MYO1E: variants seen among roughly 807,000 people sequenced by gnomAD.
The protein encoded by MYO1E is myosin IE, also known as unconventional myosin-Ie.
In MYO1E, 68 loss-of-function variants were observed where a neutral mutation model predicts 151.1. The observed-to-expected ratio is 0.45, with a 90% CI of 0.37 to 0.55. The LOEUF (loss-of-function observed/expected upper bound fraction) is 0.55, where lower values mean the gene tolerates loss of function less well. Among genes scored for constraint, MYO1E ranks in the 20% least tolerant of loss-of-function variants. MYO1E has a pLI of 0.00. For synonymous variants in MYO1E, 601 were observed against 501.7 expected, an observed-to-expected ratio of 1.20 and a Z score of -2.64; for missense variants, 1,363 against 1,389.3, an observed-to-expected ratio of 0.98 and a Z score of 0.30.
At chr15:59,229,701 T>C (rs1295385140) in intron 6 of MYO1E, among the ~76,000 whole-genome samples, 1 of 147,566 alleles carries the variant, frequency 6.8e-6, no homozygotes, top group Admixed American at 6.9e-5. Flanking sequence ...GATTTGTAAG[T>C]GTTAAATATA....
At chr15:59,228,553 GTTTTT>G (rs200581765) in intron 6 of MYO1E, among the ~76,000 whole-genome samples, 1 of 150,148 alleles carries the variant, frequency 6.7e-6, no homozygotes, top group Non-Finnish European at 1.5e-5. Flanking sequence ...ATTTAAATTG[GTTTTT>G]TTTTCTCACT....
chr15:59,148,188 A>G (rs1698116325), intron 26 of MYO1E, among the ~76,000 whole-genome samples: 1 of 152,214 alleles, frequency 6.6e-6, no homozygotes, highest in African/African-American at 2.4e-5. Context: ...CAAGAGTAGA[A>G]AGATTAAGTG....
chr15:59,307,089 CA>C (rs1436691254), intron 1 of MYO1E, among the ~76,000 whole-genome samples: 1 of 152,166 alleles, frequency 6.6e-6, no homozygotes, highest in African/African-American at 2.4e-5. Context: ...AGGAGAGCAC[CA>C]AAGCATGAAG....
At chr15:59,343,032 A>G (rs573644003) in intron 1 of MYO1E, among the ~76,000 whole-genome samples, 4 of 152,212 alleles carry the variant, frequency 2.6e-5, no homozygotes, top group East Asian at 3.9e-4. Flanking sequence ...TGAGATATGT[A>G]TAGTTTACAC....
At chr15:59,149,068 T>G (rs1175314058) in intron 26 of MYO1E, among the ~76,000 whole-genome samples, 1 of 147,204 alleles carries the variant, frequency 6.8e-6, no homozygotes, top group East Asian at 2.0e-4. Flanking sequence ...TTTTTTTTTT[T>G]TTTTTTGAGA....
intron 1 of MYO1E, among the ~76,000 whole-genome samples, chr15:59,287,497 T>C (rs1275625536): frequency 1.3e-5 from 2 of 152,210 alleles, no homozygotes; most frequent in African/African-American, 2.4e-5. Context: ...CACTGTTGTA[T>C]GCTTCTAGGG....
chr15:59,161,954 T>G (rs1288556953), intron 23 of MYO1E, among the ~76,000 whole-genome samples: 1 of 152,244 alleles, frequency 6.6e-6, no homozygotes, highest in Non-Finnish European at 1.5e-5. Context: ...AAAGGCTTTG[T>G]CTTGGCCTTA....
intron 18 of MYO1E, among the ~76,000 whole-genome samples, chr15:59,181,813 A>G (rs1484706887): frequency 1.3e-5 from 2 of 152,210 alleles, no homozygotes; most frequent in African/African-American, 4.8e-5. Context: ...GGGTATTAAT[A>G]TATCCTTTCC....
intron 1 of MYO1E, among the ~76,000 whole-genome samples, chr15:59,275,751 C>G (rs1278137339): frequency 2.0e-5 from 3 of 152,186 alleles, no homozygotes; most frequent in African/African-American, 7.2e-5. Flanking sequence ...TCAATGAAAG[C>G]TGGGAAGCTT....
chr15:59,143,620 C>T (rs73420811), intron 26 of MYO1E, among the ~76,000 whole-genome samples: 1,549 of 152,296 alleles, frequency 0.01, 30 homozygotes, highest in African/African-American at 0.036. Flanking sequence ...CTCCCCTCAA[C>T]TCAGCCAGGC....
At chr15:59,277,908 T>G (rs1205874930) in intron 1 of MYO1E, among the ~76,000 whole-genome samples, 5 of 152,262 alleles carry the variant, frequency 3.3e-5, no homozygotes, top group Non-Finnish European at 5.9e-5. Flanking sequence ...GTTGGTACTT[T>G]TGGGGAGAAG....
chr15:59,172,224 G>A (rs1236978806), intron 21 of MYO1E, among the ~76,000 whole-genome samples, 182 bp from the exon 22 acceptor site: 2 of 152,290 alleles, frequency 1.3e-5, no homozygotes, highest in African/African-American at 4.8e-5. Context: ...GGGTGTGGTG[G>A]TGGGCGCCTG....
intron 2 of MYO1E, among the ~76,000 whole-genome samples, chr15:59,270,601 T>C (rs2080283824): frequency 6.7e-6 from 1 of 149,250 alleles, no homozygotes; most frequent in Admixed American, 6.7e-5. Context: ...ATCCCACAAC[T>C]ATATACAATT....
chr15:59,222,629 T>C (rs1206429421), intron 9 of MYO1E, among the ~76,000 whole-genome samples: 4 of 152,236 alleles, frequency 2.6e-5, no homozygotes, highest in African/African-American at 9.6e-5. Flanking sequence ...TATTTACATA[T>C]ATTATATTGC....
intron 4 of MYO1E, among the ~76,000 whole-genome samples, chr15:59,246,889 T>C (rs568710826): frequency 6.6e-6 from 1 of 152,332 alleles, no homozygotes; most frequent in African/African-American, 2.4e-5. Flanking sequence ...ACTAAGTCTG[T>C]GCGTCATTTA....
At chr15:59,242,698 G>T (rs181995172) in intron 4 of MYO1E, among the ~76,000 whole-genome samples, 6 of 152,222 alleles carry the variant, frequency 3.9e-5, no homozygotes, top group Admixed American at 2.0e-4. Context: ...CATGATCTGA[G>T]AATATATCCC....
At chr15:59,352,951 C>T (rs1437668147) in intron 1 of MYO1E, among the ~76,000 whole-genome samples, 5 of 152,150 alleles carry the variant, frequency 3.3e-5, no homozygotes, top group East Asian at 1.9e-4. Context: ...TGATTTATAA[C>T]GTTAAGATCG....
intron 14 of MYO1E, among the ~76,000 whole-genome samples, chr15:59,205,851 A>C (rs1228105298): frequency 6.6e-6 from 1 of 152,110 alleles, no homozygotes; most frequent in South Asian, 2.1e-4. Flanking sequence ...ACTTTTCCTA[A>C]ATTTTAGCTA....
chr15:59,322,144 C>T lies in MYO1E; in HGVS notation c.4-49695G>A, dbSNP rs1292221370. Among the ~76,000 whole-genome samples, 3 of 151,220 alleles carry T rather than the reference C, an allele frequency of 2.0e-5. 1 individual carries two copies. Among genetic ancestry groups the T allele is most frequent in the Non-Finnish European group, 2.9e-5 (2 of 67,886 alleles). ...GAGCCAAGTTCACACCACTGCACTCCAGCCCGGGCAACAGAGTAAGACTCT... is the reference window on the plus strand; with the variant it reads ...GAGCCAAGTTCACACCACTGCACTCTAGCCCGGGCAACAGAGTAAGACTCT... On this transcript the variant is annotated intron_variant, in intron 1 of 27. Transcript: ENST00000288235.
Sources: gnomAD v4.1 joint callset for allele counts (sites outside exome capture counted in the v4.1 genomes callset) on GRCh38, gnomAD v4.1.1 for gene constraint, MANE v1.5 for transcripts, NCBI Gene and HGNC (gene_info 2026-07-23, HGNC 2026-07-21) for gene names.